Variants in INPP5K observed in about 807,000 individuals in gnomAD.
INPP5K encodes the protein inositol polyphosphate 5-phosphatase K.
A neutral mutation model predicts 53.5 loss-of-function variants in INPP5K; 35 were observed. The ratio of observed to expected loss-of-function variants is 0.65; its 90% CI spans 0.50 to 0.87. The LOEUF is 0.87. Among genes scored for constraint, INPP5K ranks in the 40% least tolerant of loss-of-function variants. INPP5K has a pLI of 0.00. For missense variants in INPP5K, 550 were observed against 586.2 expected (o/e 0.94, Z 0.64); for synonymous variants, 253 against 232.8 (o/e 1.09, Z -0.79).
At chr17:1,502,145 G>C (rs368378587) in intron 7 of INPP5K, among the ~76,000 whole-genome samples, 6,009 of 151,198 alleles carry the variant, frequency 0.04, 162 homozygotes, top group East Asian at 0.073. Flanking sequence ...GTCAGGACAT[G>C]GAGACCATCC....
At chr17:1,503,617 G>A (rs1190472419) in intron 7 of INPP5K, among the ~76,000 whole-genome samples, 1 of 152,076 alleles carries the variant, frequency 6.6e-6, no homozygotes, top group Non-Finnish European at 1.5e-5. Flanking sequence ...TCAGGAGGCT[G>A]AGGCAGGCGA....
chr17:1,499,745 G>A (rs1284710741), intron 7 of INPP5K, among the ~76,000 whole-genome samples: 2 of 152,106 alleles, frequency 1.3e-5, no homozygotes, highest in African/African-American at 4.8e-5. Context: ...TGGAGGTGGG[G>A]TGTGTGTGTG....
chr17:1,503,802 C>T (rs1000189222), intron 7 of INPP5K, among the ~76,000 whole-genome samples: 4 of 152,154 alleles, frequency 2.6e-5, no homozygotes, highest in Non-Finnish European at 2.9e-5. Flanking sequence ...GCAGGATTCC[C>T]GCCCTGCCCT....
At chr17:1,508,565 G>A (rs577569910) in intron 5 of INPP5K, 3 of 327,030 alleles carry the variant, frequency 9.2e-6, no homozygotes, top group East Asian at 7.7e-5. Context: ...AGTGTTCAGG[G>A]TTTCTAAGCA....
intron 3 of INPP5K, chr17:1,510,590 C>G (rs2075284960): frequency 6.6e-6 from 1 of 152,212 alleles, no homozygotes; most frequent in South Asian, 2.1e-4. Flanking sequence ...TCCTCCCTCT[C>G]TCCTTGGAAA....
intron 3 of INPP5K, among the ~76,000 whole-genome samples, chr17:1,511,311 A>G (rs1414523988): frequency 6.6e-6 from 1 of 152,190 alleles, no homozygotes; most frequent in African/African-American, 2.4e-5. Flanking sequence ...TCAAAGGGCT[A>G]GGACTGCCAA....
At chr17:1,512,874 T>TA (rs1274706069) in intron 3 of INPP5K, among the ~76,000 whole-genome samples, 11 of 152,342 alleles carry the variant, frequency 7.2e-5, no homozygotes, top group Admixed American at 4.6e-4. Flanking sequence ...CTGTCAGTCT[T>TA]AGAGTTCACC....
intron 4 of INPP5K, 26 bp from the exon 5 acceptor site, chr17:1,509,379 T>G (rs772803861): frequency 1.2e-6 from 2 of 1,602,288 alleles, no homozygotes; most frequent in Non-Finnish European, 1.7e-6. Flanking sequence ...AACAGAAGAG[T>G]GGGAAGCTAC....
chr17:1,504,220 G>A (rs1335972000), intron 7 of INPP5K, among the ~76,000 whole-genome samples: 1 of 152,226 alleles, frequency 6.6e-6, no homozygotes, highest in East Asian at 1.9e-4. Context: ...TCACAGTACA[G>A]TAAGAAAGGT....
At chr17:1,516,145 T>G in intron 1 of INPP5K, 1 of 1,275,766 alleles carries the variant, frequency 7.8e-7, no homozygotes, top group South Asian at 2.0e-5. Flanking sequence ...AAAAGATTTC[T>G]AACCGAGAGC....
chr17:1,508,319 C>A, intron 5 of INPP5K, 93 bp from the exon 6 acceptor site: 1 of 959,012 alleles, frequency 1.0e-6, no homozygotes, highest in Admixed American at 1.8e-5. Context: ...CCAAGGGCTG[C>A]TGGGGCACAG....
chr17:1,496,910 C>T (rs898083495), intron 8 of INPP5K, 107 bp from the exon 9 acceptor site: 5 of 1,171,522 alleles, frequency 4.3e-6, no homozygotes, highest in Non-Finnish European at 6.1e-6. Flanking sequence ...AGGTGGGGCA[C>T]CCAGAGGGGG....
At chr17:1,507,506 T>G in intron 6 of INPP5K, 1 of 183,450 alleles carries the variant, frequency 5.5e-6, no homozygotes, top group Non-Finnish European at 1.1e-5. Flanking sequence ...CGCATGATGG[T>G]ACCTGGTGCA....
chr17:1,496,001 G>A (rs558646961), intron 11 of INPP5K, 59 bp downstream of exon 11: 1 of 1,437,640 alleles, frequency 7.0e-7, no homozygotes, highest in East Asian at 2.3e-5. Flanking sequence ...CTGGGCCTCA[G>A]GGAGCCAGTG....
chr17:1,499,141 A>C (rs960296756), intron 7 of INPP5K, among the ~76,000 whole-genome samples: 2 of 152,238 alleles, frequency 1.3e-5, no homozygotes, highest in African/African-American at 4.8e-5. Context: ...AATGAGATAA[A>C]GTACATAAAA....
At chr17:1,516,355 G>C (rs1003316398) in intron 1 of INPP5K, 101 bp downstream of exon 1, 3 of 1,290,920 alleles carry the variant, frequency 2.3e-6, no homozygotes, top group Non-Finnish European at 3.2e-6. Context: ...CTGAACCAAA[G>C]GCAGTCATGG....
chr17:1,513,401 C>G (rs370430922), intron 3 of INPP5K, 52 bp downstream of exon 3: 4 of 1,316,234 alleles, frequency 3.0e-6, no homozygotes, highest in Middle Eastern at 1.8e-4. Context: ...AAGCAGGGGT[C>G]AGTGGAGATG....
chr17:1,495,725 T>C lies in INPP5K; in HGVS notation c.*98A>G. The C allele has an allele frequency of 1.2e-6, 1 of 832,530 alleles. No individual in the cohort carries two copies. Among genetic ancestry groups the C allele is most frequent in the Non-Finnish European group, 2.0e-6 (1 of 507,464 alleles). 51.6% of individuals were successfully genotyped at this position (832,530 alleles called of 1,614,324 possible). A position where few individuals can be genotyped will look rare whatever the true frequency, so the allele number is the denominator to read the frequency against. On this transcript the variant is annotated 3_prime_UTR_variant, in exon 12 of 12. Coordinates refer to ENST00000421807, the MANE Select transcript of INPP5K (RefSeq NM_016532.4). ...TATGTGGACGACACTTGGCTGTCTC[T>C]TCAGGGGGCCAGGCTGGGCCCCCAG...
chr17:1,513,992 T>G lies in INPP5K; in HGVS notation c.45-13A>C. ...CACGACGTGTATGCTGCGGAAGGGA[T>G]GCAGAGGGAAGTCATGGAGGAAGGA... On this transcript the variant is annotated splice_polypyrimidine_tract_variant and intron_variant, in intron 1 of 11. Transcript: ENST00000421807. 1 of 1,583,964 alleles carries G rather than the reference T, an allele frequency of 6.3e-7. No homozygotes were observed.
Sources: gnomAD v4.1 joint callset for allele counts (sites outside exome capture counted in the v4.1 genomes callset) on GRCh38, gnomAD v4.1.1 for gene constraint, MANE v1.5 for transcripts, NCBI Gene and HGNC (gene_info 2026-07-23, HGNC 2026-07-21) for gene names.